Variants in PCDH9 observed in about 807,000 individuals in gnomAD.
PCDH9 encodes protocadherin 9.
A neutral mutation model predicts 70.6 loss-of-function variants in PCDH9; 24 were observed. That is an observed-to-expected ratio of 0.34 (90% CI 0.25 to 0.48). The LOEUF (loss-of-function observed/expected upper bound fraction) is 0.48, where lower values mean the gene tolerates loss of function less well. Among genes scored for constraint, PCDH9 ranks in the 20% least tolerant of loss-of-function variants. The probability of loss-of-function intolerance (pLI) is 0.99; values close to 1 mark genes in which losing one functional copy is unlikely to be tolerated. For missense variants in PCDH9, 1,281 were observed against 1,503.6 expected, an observed-to-expected ratio of 0.85 and a Z score of 2.45; for synonymous variants, 562 against 558.5, an observed-to-expected ratio of 1.01 and a Z score of -0.09.
At chr13:66,561,889 A>G (rs937603063) in intron 4 of PCDH9, among the ~76,000 whole-genome samples, 1 of 152,100 alleles carries the variant, frequency 6.6e-6, no homozygotes, top group African/African-American at 2.4e-5. Context: ...ACACTGTGGA[A>G]GCTTTGTTCT....
At chr13:66,353,300 A>G (rs1956323355) in intron 4 of PCDH9, among the ~76,000 whole-genome samples, 1 of 152,236 alleles carries the variant, frequency 6.6e-6, no homozygotes, top group South Asian at 2.1e-4. Context: ...GCTGAAAAAT[A>G]CAAAATATTA....
chr13:66,606,032 G>T (rs1457801769), intron 4 of PCDH9, among the ~76,000 whole-genome samples: 1 of 151,998 alleles, frequency 6.6e-6, no homozygotes, highest in African/African-American at 2.4e-5. Context: ...CATTCCATGG[G>T]GCTCCCCTCA....
chr13:66,766,885 G>GAGTA (rs923469382), intron 3 of PCDH9, among the ~76,000 whole-genome samples: 11 of 152,076 alleles, frequency 7.2e-5, no homozygotes, highest in African/African-American at 2.4e-4. Context: ...CATGGTGTTA[G>GAGTA]AGTACCCCAT....
intron 4 of PCDH9, among the ~76,000 whole-genome samples, chr13:66,560,820 G>C (rs571461394): frequency 5.9e-5 from 9 of 152,214 alleles, no homozygotes; most frequent in Non-Finnish European, 1.3e-4. Context: ...CTGTAGAAAA[G>C]TGACTCAACA....
intron 2 of PCDH9, among the ~76,000 whole-genome samples, chr13:67,172,818 C>T (rs2088330576): frequency 1.6e-5 from 2 of 126,846 alleles, no homozygotes; most frequent in East Asian, 2.5e-4. Flanking sequence ...GTGTAGGGTG[C>T]GGTGAGGCGA....
At chr13:66,343,326 C>T (rs1357088535) in intron 4 of PCDH9, among the ~76,000 whole-genome samples, 3 of 152,156 alleles carry the variant, frequency 2.0e-5, no homozygotes, top group East Asian at 1.9e-4. Context: ...CTGAGAGTCT[C>T]GGAAATACAG....
chr13:66,874,753 G>A (rs570053440), intron 3 of PCDH9, among the ~76,000 whole-genome samples: 13 of 152,190 alleles, frequency 8.5e-5, no homozygotes, highest in South Asian at 2.1e-4. Flanking sequence ...AAGATAAGAC[G>A]CATTTCAGCT....
chr13:66,710,707 A>G (rs562107323), intron 3 of PCDH9, among the ~76,000 whole-genome samples: 9 of 152,262 alleles, frequency 5.9e-5, no homozygotes, highest in African/African-American at 2.2e-4. Context: ...TCCAGGTGTT[A>G]TTGATATTAG....
rs1354777591 is a variant in PCDH9, at chr13:66,888,246, GCTCTTTGAGAGGC to G, written c.3138+15245_3138+15257del. Among the ~76,000 whole-genome samples, 9 of 152,256 alleles carry G rather than the reference GCTCTTTGAGAGGC, an allele frequency of 5.9e-5. No homozygotes were observed. The East Asian group carries it at 1.7e-3, about 29-fold the overall frequency. On this transcript the variant is annotated intron_variant, in intron 3 of 4. Coordinates refer to ENST00000377865, the MANE Select transcript of PCDH9 (RefSeq NM_203487.3). ...CCAGTGGCTCGTGCCTATGATAGCA[GCTCTTTGAGAGGC>G]CGAGCTGGGAGGATCACTTGAGCCC...
chr13:66,471,814 T>A (rs1173972943), intron 4 of PCDH9, among the ~76,000 whole-genome samples: 2 of 152,162 alleles, frequency 1.3e-5, no homozygotes, highest in Non-Finnish European at 1.5e-5. Context: ...AAGTATAAAG[T>A]AACAGAAGGG....
intron 2 of PCDH9, among the ~76,000 whole-genome samples, chr13:67,092,456 C>A (rs2086236661): frequency 6.6e-6 from 1 of 152,040 alleles, no homozygotes; most frequent in South Asian, 2.1e-4. Context: ...TAACCACGTA[C>A]CTGGATATAT....
intron 3 of PCDH9, among the ~76,000 whole-genome samples, chr13:66,883,499 T>G (rs571561723): frequency 6.6e-6 from 1 of 152,308 alleles, no homozygotes; most frequent in African/African-American, 2.4e-5. Context: ...GAAGATATTC[T>G]AACTCAGCCT....
chr13:66,772,396 C>T (rs1422475053), intron 3 of PCDH9, among the ~76,000 whole-genome samples: 1 of 152,176 alleles, frequency 6.6e-6, no homozygotes, highest in Non-Finnish European at 1.5e-5. Context: ...TGTTCAATTT[C>T]TAGCTCATTT....
chr13:66,818,937 AAAAAAAC>A (rs77488183), intron 3 of PCDH9, among the ~76,000 whole-genome samples: 9 of 146,496 alleles, frequency 6.1e-5, no homozygotes, highest in African/African-American at 1.0e-4. Context: ...CCCGTCTCAA[AAAAAAAC>A]AAAAAACAAA....
At chr13:66,531,178 G>C (rs1009757006) in intron 4 of PCDH9, among the ~76,000 whole-genome samples, 24 of 151,086 alleles carry the variant, frequency 1.6e-4, no homozygotes, top group African/African-American at 5.8e-4. Context: ...GGTAATATTG[G>C]TTCTATTAGA....
At chr13:66,475,409 C>T (rs995543025) in intron 4 of PCDH9, among the ~76,000 whole-genome samples, 1 of 152,060 alleles carries the variant, frequency 6.6e-6, no homozygotes, top group African/African-American at 2.4e-5. Context: ...CTATTCAATT[C>T]ATAAACAATA....
At chr13:67,125,619 C>T (rs2086961957) in intron 2 of PCDH9, among the ~76,000 whole-genome samples, 1 of 152,172 alleles carries the variant, frequency 6.6e-6, no homozygotes, top group African/African-American at 2.4e-5. Context: ...ATATCACCAG[C>T]ATCCAGTCTA....
chr13:66,518,975 C>T (rs931953675), intron 4 of PCDH9, among the ~76,000 whole-genome samples: 4 of 152,100 alleles, frequency 2.6e-5, no homozygotes, highest in Non-Finnish European at 4.4e-5. Flanking sequence ...AAATCTAGTC[C>T]GGTGTCCCAG....
intron 4 of PCDH9, among the ~76,000 whole-genome samples, chr13:66,613,804 T>C (rs751539738): frequency 3.4e-4 from 51 of 152,172 alleles, no homozygotes; most frequent in Non-Finnish European, 6.2e-4. Context: ...TGGGATCAAA[T>C]ACTTTTTTTA....
Sources: allele counts gnomAD v4.1 joint callset (sites outside exome capture counted in the v4.1 genomes callset), GRCh38; gene constraint gnomAD v4.1.1; transcripts MANE v1.5; gene names NCBI Gene and HGNC (gene_info 2026-07-23, HGNC 2026-07-21).